The following SPATA13 variants were observed in gnomAD, a reference collection of about 807,000 sequenced individuals.
The protein encoded by SPATA13 is spermatogenesis associated 13.
A neutral mutation model predicts 104.0 loss-of-function variants in SPATA13; 50 were observed. The ratio of observed to expected loss-of-function variants is 0.48; its 90% CI spans 0.38 to 0.61. SPATA13 has a LOEUF of 0.61. SPATA13 is among the 20% of genes least tolerant of loss of function. The pLI is 0.00. For missense variants in SPATA13, 1,524 were observed against 1,690.6 expected (o/e 0.90, Z 1.73); for synonymous variants, 606 against 667.5 (o/e 0.91, Z 1.42).
At chr13:24,163,911 A>C (rs567354355) in intron 1 of SPATA13, among the ~76,000 whole-genome samples, 2 of 152,358 alleles carry the variant, frequency 1.3e-5, no homozygotes, top group East Asian at 3.9e-4. Flanking sequence ...AGGGGAACTC[A>C]TCAGTGCTTT....
At chr13:24,110,305 C>G (rs2137811949) in intron 3 of SPATA13, among the ~76,000 whole-genome samples, 1 of 151,938 alleles carries the variant, frequency 6.6e-6, no homozygotes, top group Non-Finnish European at 1.5e-5. Context: ...GAGGATGGCT[C>G]TACCTCAGAC....
At chr13:24,083,872 G>A (rs1459496220) in intron 3 of SPATA13, among the ~76,000 whole-genome samples, 6 of 152,140 alleles carry the variant, frequency 3.9e-5, no homozygotes, top group African/African-American at 7.2e-5. Flanking sequence ...AAAAACCCCC[G>A]TCTGGAGATG....
intron 2 of SPATA13, among the ~76,000 whole-genome samples, chr13:24,012,878 T>C (rs970843802): frequency 6.6e-6 from 1 of 152,190 alleles, no homozygotes; most frequent in African/African-American, 2.4e-5. Flanking sequence ...GGGCTTGGGC[T>C]GGGCTCCCTC....
intron 1 of SPATA13, among the ~76,000 whole-genome samples, chr13:24,204,547 G>T (rs1326932251): frequency 6.6e-6 from 1 of 152,078 alleles, no homozygotes. Flanking sequence ...TTCATCTCGA[G>T]AACTGTTCCA....
At chr13:24,173,980 A>G (rs893630102) in intron 1 of SPATA13, among the ~76,000 whole-genome samples, 5 of 152,244 alleles carry the variant, frequency 3.3e-5, no homozygotes, top group African/African-American at 1.2e-4. Flanking sequence ...CACCTTCATA[A>G]AATGAGTCAG....
At chr13:24,144,537 T>C (rs1014374788) in intron 3 of SPATA13, among the ~76,000 whole-genome samples, 3 of 152,120 alleles carry the variant, frequency 2.0e-5, no homozygotes, top group Admixed American at 2.0e-4. Context: ...GCGTACACAA[T>C]GCACAAGCAC....
chr13:24,196,184 G>T (rs1214824628), intron 1 of SPATA13, among the ~76,000 whole-genome samples: 1 of 152,072 alleles, frequency 6.6e-6, no homozygotes, highest in Non-Finnish European at 1.5e-5. Context: ...ATTTGATGAG[G>T]AGTATCATAG....
intron 3 of SPATA13, among the ~76,000 whole-genome samples, chr13:24,092,217 T>A (rs935688608): frequency 4.6e-5 from 7 of 152,256 alleles, no homozygotes; most frequent in Non-Finnish European, 1.0e-4. Flanking sequence ...TAAAAGTGCT[T>A]TTGAGATTGT....
intron 1 of SPATA13, among the ~76,000 whole-genome samples, chr13:24,167,077 T>C (rs1342784729): frequency 2.6e-5 from 4 of 152,236 alleles, no homozygotes; most frequent in Admixed American, 2.6e-4. Flanking sequence ...GTTTGGGGTA[T>C]GACCTATGTG....
chr13:24,210,889 C>G (rs1870977479), intron 1 of SPATA13, among the ~76,000 whole-genome samples: 2 of 151,292 alleles, frequency 1.3e-5, no homozygotes, highest in South Asian at 4.2e-4. Context: ...GATATCTTTC[C>G]ATTTATTTGT....
chr13:24,042,204 G>A (rs1384120218), intron 3 of SPATA13, among the ~76,000 whole-genome samples: 1 of 152,158 alleles, frequency 6.6e-6, no homozygotes, highest in Non-Finnish European at 1.5e-5. Context: ...CCAGAAGGTC[G>A]TTCTGTGTCT....
At chr13:24,159,381 C>G (rs2138481384), upstream of SPATA13, among the ~76,000 whole-genome samples, 1 of 152,204 alleles carries the variant, frequency 6.6e-6, no homozygotes, top group Non-Finnish European at 1.5e-5. Flanking sequence ...TTTCCACCAC[C>G]CACAGATAAT....
chr13:24,220,762 C>T (rs571998076), intron 1 of SPATA13, among the ~76,000 whole-genome samples: 7 of 152,262 alleles, frequency 4.6e-5, no homozygotes, highest in Admixed American at 6.5e-5. Flanking sequence ...TCCCTTGTCC[C>T]GGGTGGAATC....
At chr13:24,044,825 A>G (rs1377328667) in intron 3 of SPATA13, among the ~76,000 whole-genome samples, 1 of 143,960 alleles carries the variant, frequency 6.9e-6, no homozygotes, top group Non-Finnish European at 1.5e-5. Flanking sequence ...TCCCACTCAT[A>G]TGTGGAATCT....
rs1354249793 is a variant in SPATA13, at chr13:24,286,100, G to A, written c.2302-114G>A. 2 of 984,176 alleles carry A rather than the reference G, an allele frequency of 2.0e-6. No individual in the cohort carries two copies. The highest frequency in any genetic ancestry group is 3.0e-6 in the Non-Finnish European group (2 of 666,684). 61.0% of individuals were successfully genotyped at this position (984,176 alleles called of 1,614,324 possible). ...AGTCAGTGTGGACCAAATGCCACCA[G>A]CATATCCAAGTGAGAGGATACCAGT... is the stretch of plus-strand genomic sequence containing the variant. On this transcript the variant is annotated intron_variant, in intron 5 of 12. Transcript: ENST00000382108. This position sits in a 1 kb window ranked among gnomAD's most constrained non-coding sequence, Gnocchi z 4.9.
At chr13:24,246,715 T>G (rs529242676) in intron 2 of SPATA13, among the ~76,000 whole-genome samples, 7 of 152,120 alleles carry the variant, frequency 4.6e-5, no homozygotes, top group South Asian at 4.2e-4. Flanking sequence ...ATATCTAAAT[T>G]AGCTGGGCGT....
intron 3 of SPATA13, among the ~76,000 whole-genome samples, chr13:24,155,184 A>C (rs1832405470): frequency 6.6e-6 from 1 of 152,152 alleles, no homozygotes; most frequent in Non-Finnish European, 1.5e-5. Flanking sequence ...TGAAGAAACT[A>C]AGGTTCCAAG....
chr13:24,237,704 C>G (rs1020406324), intron 2 of SPATA13, among the ~76,000 whole-genome samples: 1 of 151,972 alleles, frequency 6.6e-6, no homozygotes, highest in African/African-American at 2.4e-5. Context: ...TGGCACATAC[C>G]TGTAATCTCA....
chr13:24,231,894 A>G (rs1872299078), intron 2 of SPATA13, among the ~76,000 whole-genome samples: 1 of 152,222 alleles, frequency 6.6e-6, no homozygotes, highest in South Asian at 2.1e-4. Context: ...TAGCCATTCA[A>G]GTGATCTGAT....
Sources: allele counts gnomAD v4.1 joint callset (sites outside exome capture counted in the v4.1 genomes callset), GRCh38; gene constraint gnomAD v4.1.1; non-coding constraint Gnocchi (gnomAD v3.1); transcripts MANE v1.5; gene names NCBI Gene and HGNC (gene_info 2026-07-23, HGNC 2026-07-21).